The following SH3D19 variants were observed in gnomAD, a reference collection of about 807,000 sequenced individuals.
SH3D19 encodes SH3 domain-containing protein 19.
SH3D19 carries 58 observed loss-of-function variants against 112.1 expected under a neutral mutation model. The observed-to-expected ratio is 0.52, with a 90% confidence interval of 0.42 to 0.64. SH3D19 has a LOEUF of 0.64. SH3D19 is among the 30% of genes least tolerant of loss of function. The pLI, the probability that SH3D19 is intolerant of heterozygous loss-of-function variation, is 0.00. For missense variants in SH3D19, 1,090 were observed against 1,263.4 expected (o/e 0.86, Z 2.08); for synonymous variants, 391 against 448.5 (o/e 0.87, Z 1.62).
At chr4:151,145,516 C>A (rs1753774242) in intron 11 of SH3D19, among the ~76,000 whole-genome samples, 1 of 152,178 alleles carries the variant, frequency 6.6e-6, no homozygotes, top group South Asian at 2.1e-4. Context: ...TGCAATTTTC[C>A]ACTACCTACC....
In SH3D19 at chr4:151,314,203, A is replaced by G. The variant is rs1166198212; in HGVS notation, c.112+11038T>C. ...TGCAATTGTTAATCTACTCAAATGC[A>G]TCAGAGCAGGGACAACATCACCTCC... On this transcript the variant is annotated intron_variant, in intron 1 of 19. Coordinates refer to ENST00000604030, the MANE Select transcript of SH3D19 (RefSeq NM_001378122.1). Among the ~76,000 whole-genome samples the G allele has an allele frequency of 2.0e-5, 3 of 152,356 alleles. No individual in the cohort carries two copies. In the East Asian group the frequency reaches 5.8e-4, roughly 29 times the overall value.
At chr4:151,137,706 A>C in intron 14 of SH3D19, 26 bp downstream of exon 14, 1 of 1,562,960 alleles carries the variant, frequency 6.4e-7, no homozygotes, top group Non-Finnish European at 8.6e-7. Context: ...TATATGACCA[A>C]ATTAAAACAA....
At chr4:151,266,542 G>A (rs141172196) in intron 1 of SH3D19, among the ~76,000 whole-genome samples, 1 of 152,204 alleles carries the variant, frequency 6.6e-6, no homozygotes, top group East Asian at 1.9e-4. Flanking sequence ...TGAAAATTCC[G>A]AATAATGGAA....
chr4:151,275,883 C>G (rs1773576582), intron 1 of SH3D19, among the ~76,000 whole-genome samples: 1 of 146,572 alleles, frequency 6.8e-6, no homozygotes, highest in Non-Finnish European at 1.5e-5. Context: ...CGCTCTGTCG[C>G]CCAGGCTGGA....
In SH3D19 at chr4:151,142,004, C is replaced by T. The variant is rs541031503; in HGVS notation, c.2223+1906G>A. On this transcript the variant is annotated intron_variant, in intron 12 of 19. Transcript: ENST00000604030. ...TGAAGGGCAAGAGGAACAGGCTAGA[C>T]AGGGTTGCCAACAAGTGGTCCATAC... Among the ~76,000 whole-genome samples the T allele has an allele frequency of 3.9e-5, 6 of 152,342 alleles. No homozygotes were observed. The East Asian group carries it at 1.2e-3, about 29-fold the overall frequency.
At chr4:151,299,473 G>T (rs541915972) in intron 1 of SH3D19, among the ~76,000 whole-genome samples, 39 of 150,076 alleles carry the variant, frequency 2.6e-4, no homozygotes, top group Middle Eastern at 3.5e-3. Context: ...CCAGCTACTG[G>T]GAAGGCTGAG....
At chr4:151,290,208 G>A (rs1277898279) in intron 1 of SH3D19, among the ~76,000 whole-genome samples, 3 of 152,124 alleles carry the variant, frequency 2.0e-5, no homozygotes, top group Admixed American at 6.6e-5. Context: ...GCCTCTCAAG[G>A]CACTAGGATT....
intron 2 of SH3D19, among the ~76,000 whole-genome samples, chr4:151,207,121 G>A (rs776860741): frequency 6.6e-6 from 1 of 152,166 alleles, no homozygotes; most frequent in Non-Finnish European, 1.5e-5. Flanking sequence ...CTGGCCATAG[G>A]TGCCTTTCTT....
intron 1 of SH3D19, among the ~76,000 whole-genome samples, chr4:151,275,844 TA>T (rs1458251132): frequency 0.02 from 1,169 of 59,256 alleles, 13 homozygotes; most frequent in Middle Eastern, 0.051. Context: ...TTATTATTAT[TA>T]TTATTTTTTT....
intron 8 of SH3D19, among the ~76,000 whole-genome samples, chr4:151,160,736 CTA>C (rs1324116654): frequency 1.3e-5 from 2 of 149,172 alleles, no homozygotes; most frequent in Non-Finnish European, 3.0e-5. Flanking sequence ...AGTGAAAAAC[CTA>C]TAACAAGAAG....
intron 1 of SH3D19, among the ~76,000 whole-genome samples, chr4:151,250,672 G>T (rs1375037881): frequency 2.0e-5 from 3 of 152,114 alleles, no homozygotes; most frequent in East Asian, 3.8e-4. Context: ...CATATATTAT[G>T]CCCAGCAGGC....
chr4:151,145,660 C>T (rs1023753215), intron 11 of SH3D19, among the ~76,000 whole-genome samples: 16 of 152,138 alleles, frequency 1.1e-4, no homozygotes, highest in African/African-American at 2.2e-4. Context: ...TTCACACAGA[C>T]GTGCGTGACA....
intron 1 of SH3D19, among the ~76,000 whole-genome samples, chr4:151,289,358 A>T (rs1775111210): frequency 6.6e-6 from 1 of 152,242 alleles, no homozygotes; most frequent in Non-Finnish European, 1.5e-5. Context: ...AAGCATAAGC[A>T]GCAACAAAAA....
chr4:151,276,653 C>T (rs1773651871), intron 1 of SH3D19, among the ~76,000 whole-genome samples: 1 of 152,150 alleles, frequency 6.6e-6, no homozygotes, highest in South Asian at 2.1e-4. Flanking sequence ...GATCCTGAGA[C>T]CACTCTAAAA....
intron 1 of SH3D19, among the ~76,000 whole-genome samples, chr4:151,265,395 G>A (rs1244191635): frequency 1.3e-5 from 2 of 150,600 alleles, no homozygotes; most frequent in Admixed American, 1.3e-4. Flanking sequence ...AGAAGATGAT[G>A]GATCTAGATA....
At chr4:151,261,906 G>C (rs1013834901) in intron 1 of SH3D19, among the ~76,000 whole-genome samples, 4 of 152,136 alleles carry the variant, frequency 2.6e-5, no homozygotes, top group Non-Finnish European at 5.9e-5. Context: ...GATGTGTTCA[G>C]GAAAGTAAGG....
At chr4:151,252,982 C>A (rs753243073) in intron 1 of SH3D19, among the ~76,000 whole-genome samples, 1 of 152,228 alleles carries the variant, frequency 6.6e-6, no homozygotes, top group Non-Finnish European at 1.5e-5. Context: ...TCCACCATCA[C>A]CTCCTGCCCA....
intron 1 of SH3D19, among the ~76,000 whole-genome samples, chr4:151,255,933 AG>A (rs1183217454): frequency 6.7e-6 from 1 of 148,662 alleles, no homozygotes; most frequent in Admixed American, 6.8e-5. Context: ...AGAATCAGGC[AG>A]GGAGGTTGCA....
At chr4:151,324,950 A>G (rs534631224) in intron 1 of SH3D19, among the ~76,000 whole-genome samples, 2 of 152,180 alleles carry the variant, frequency 1.3e-5, no homozygotes, top group African/African-American at 2.4e-5. Flanking sequence ...TAAGTCATCA[A>G]CCAGGCCACA....
Sources: allele counts gnomAD v4.1 joint callset (sites outside exome capture counted in the v4.1 genomes callset), GRCh38; gene constraint gnomAD v4.1.1; transcripts MANE v1.5; gene names NCBI Gene and HGNC (gene_info 2026-07-23, HGNC 2026-07-21).